Variants in TTN observed in about 807,000 individuals in gnomAD.
TTN encodes titin.
In TTN, 1,525 loss-of-function variants were observed where a neutral mutation model predicts 3,223.0. The ratio of observed to expected loss-of-function variants is 0.47; its 90% CI spans 0.45 to 0.49. TTN has a LOEUF of 0.49. Among genes scored for constraint, TTN ranks in the 20% least tolerant of loss-of-function variants. TTN has a pLI of 0.00. For synonymous variants in TTN, 14,094 were observed against 15,161.0 expected, an observed-to-expected ratio of 0.93 and a Z score of 5.17; for missense variants, 40,786 against 43,424.0, an observed-to-expected ratio of 0.94 and a Z score of 5.40.
chr2:178,626,272 G>T (rs1387091486), intron 240 of TTN, among the ~76,000 whole-genome samples: 1 of 151,900 alleles, frequency 6.6e-6, no homozygotes. Flanking sequence ...TATTAATTTT[G>T]TTCAAAACTG....
In TTN at chr2:178,750,472, C is replaced by T. The variant is rs548317101; in HGVS notation, c.11311+2652G>A. 1.5e-5 allele frequency: 24 copies of T among 1,612,896 alleles called. No homozygotes were observed. Among genetic ancestry groups the T allele is most frequent in the South Asian group, 5.5e-5 (5 of 91,044 alleles). ...GGATTGGCATGTCATTGTTATACCA[C>T]GTCACTATAGGTTGAGGATATCCTT... On this transcript the variant is annotated intron_variant, in intron 47 of 362. Transcript: ENST00000589042.
At position 178,776,343 on chromosome 2, in the gene TTN, G is replaced by T; in HGVS notation, c.5521C>A (p.Pro1841Thr). The T allele has an allele frequency of 6.2e-7, 1 of 1,613,758 alleles. No homozygotes were observed. The highest frequency in any genetic ancestry group is 8.5e-7 in the Non-Finnish European group (1 of 1,179,980). ...GGCTCTGGGTACAAGACAATGTCTG[G>T]CTTTTGCTTTTCTTTCTGATCTGTT... Reference protein sequence around the residue: ...VTTDQKEKQKPDIVLYPEPVR... With the variant: ...VTTDQKEKQKTDIVLYPEPVR... Residue 1841 changes from proline (P) to threonine (T), a missense_variant, in exon 28 of 363, where the codon CCA becomes ACA. Physicochemically the swap from Pro to Thr is conservative, Grantham distance 38. Coordinates refer to ENST00000589042, the MANE Select transcript of TTN (RefSeq NM_001267550.2).
In TTN at chr2:178,616,581, G is replaced by C; in HGVS notation, c.48210C>G (p.Asp16070Glu). 6.2e-7 allele frequency: 1 copy of C among 1,612,248 alleles called. No individual in the cohort carries two copies. Among genetic ancestry groups the C allele is most frequent in the Non-Finnish European group, 8.5e-7 (1 of 1,178,970 alleles). Residue 16070 changes from aspartate to glutamate, a missense_variant, in exon 257 of 363, where the codon GAC (aspartate) becomes GAG (glutamate). Asp to Glu is a conservative substitution (Grantham distance 45, BLOSUM62 2). Coordinates refer to ENST00000589042, the MANE Select transcript of TTN (RefSeq NM_001267550.2). ...GTGGTTCCCAAGTCAAATGTACTGA[G>C]TCCTTGGTTATATCACCAAATTTCA... ...KELKFGDITK[D>E]SVHLTWEPPD... is the part of the protein sequence containing the mutation.
chr2:178,598,809 A>T lies in TTN; in HGVS notation c.56901T>A (p.Asn18967Lys), dbSNP rs1224594831. ...GACTTGCTGGACCCACGCCAGCAGCATTGATTGCATATACCCGGAATTGAT... is the reference window on the plus strand; with the variant it reads ...GACTTGCTGGACCCACGCCAGCAGCTTTGATTGCATATACCCGGAATTGAT... ...SDYQFRVYAI[N>K]AAGVGPASLP... Residue 18967 changes from asparagine to lysine, a missense_variant, in exon 291 of 363, where the codon AAT becomes AAA. By Grantham distance (94) the Asn-to-Lys change is moderately conservative. Coordinates refer to ENST00000589042, the MANE Select transcript of TTN (RefSeq NM_001267550.2). 1 of 1,613,396 alleles carries T rather than the reference A, an allele frequency of 6.2e-7. No homozygotes were observed. The highest frequency in any genetic ancestry group is 8.5e-7 in the Non-Finnish European group (1 of 1,179,538).
At position 178,568,950 on chromosome 2, in the gene TTN, T is replaced by C. The variant is rs1306199809; in HGVS notation, c.77182A>G (p.Ser25728Gly). The C allele has an allele frequency of 6.2e-7, 1 of 1,613,508 alleles. No individual in the cohort carries two copies. Among genetic ancestry groups the C allele is most frequent in the Non-Finnish European group, 8.5e-7 (1 of 1,179,602 alleles). Reference sequence around the variant, plus strand: ...TCCACAATATACTGAATGATTTTACTGCCACCATCATGTTCAGGTTTTGTC... The same window carrying C: ...TCCACAATATACTGAATGATTTTACCGCCACCATCATGTTCAGGTTTTGTC... ...SWTKPEHDGG[S>G]KIIQYIVEMQ... The change falls in exon 326 of 363, where the codon AGT becomes GGT. Residue 25728 changes from serine to glycine, a missense_variant. Physicochemically the swap from Ser to Gly is moderately conservative, Grantham distance 56. Coordinates refer to ENST00000589042, the MANE Select transcript of TTN (RefSeq NM_001267550.2).
Position 178,746,345 on chromosome 2 carries a change from A to C in TTN, c.11312-4424T>G, listed in dbSNP as rs374462978. ...ATCCATATTTGGATCTACAAAATTAAATGGAAGAACATCTAGACTCACAAT... is the reference window on the plus strand; with the variant it reads ...ATCCATATTTGGATCTACAAAATTACATGGAAGAACATCTAGACTCACAAT... On this transcript the variant is annotated intron_variant, in intron 47 of 362. Transcript: ENST00000589042. 16 of 1,612,344 alleles carry C rather than the reference A, an allele frequency of 9.9e-6. No individual in the cohort carries two copies. The African/African-American group carries it at 2.1e-4, about 22-fold the overall frequency.
chr2:178,544,156 G>A, intron 345 of TTN, 41 bp from the exon 346 acceptor site: 2 of 1,605,138 alleles, frequency 1.2e-6, no homozygotes, highest in African/African-American at 1.3e-5. Flanking sequence ...TCATGGACAG[G>A]TGTGAGAAGA....
rs770403940 is a variant in TTN at position 178,594,500 on chromosome 2, G to A, written c.57994C>T (p.His19332Tyr). ...AGCAAGTTGTCATTTGTAACTTTGT[G>A]GAACTTCTCAGTCCCAATGAGCCGA... ...ESRLIGTEKF[H>Y]KVTNDNLLSR... Residue 19332 changes from histidine (H) to tyrosine (Y), a missense_variant, in exon 296 of 363, where the codon CAC (histidine) becomes TAC (tyrosine). His to Tyr is a moderately conservative substitution (Grantham distance 83). Transcript: ENST00000589042. The A allele has an allele frequency of 6.2e-7, 1 of 1,613,340 alleles. No individual in the cohort carries two copies. Among genetic ancestry groups the A allele is most frequent in the Non-Finnish European group, 8.5e-7 (1 of 1,179,540 alleles).
At chr2:178,707,000 T>C in intron 100 of TTN, 46 bp from the exon 101 acceptor site, 1 of 1,495,478 alleles carries the variant, frequency 6.7e-7, no homozygotes, top group Non-Finnish European at 9.1e-7. Context: ...ACCTCAGAAT[T>C]ACAATACATA....
chr2:178,698,223 G>A (rs1193006641), intron 112 of TTN, among the ~76,000 whole-genome samples: 3 of 152,178 alleles, frequency 2.0e-5, no homozygotes, highest in Admixed American at 6.5e-5. Context: ...TGGTTACAGA[G>A]GCTGGGGATT....
Position 178,717,755 on chromosome 2 carries a change from T to C in TTN, c.25119A>G (p.Leu8373=). 1 of 1,612,610 alleles carries C rather than the reference T, an allele frequency of 6.2e-7. No individual in the cohort carries two copies. Among genetic ancestry groups the C allele is most frequent in the Non-Finnish European group, 8.5e-7 (1 of 1,179,260 alleles). ...ARKLKDVHET[L]GFPVAFECRI... Reference sequence around the variant, plus strand: ...GGCATTCAAATGCAACTGGGAAGCCTAGAGTCTCATGAACGTCTTTCAGTT... The same window carrying C: ...GGCATTCAAATGCAACTGGGAAGCCCAGAGTCTCATGAACGTCTTTCAGTT... Residue 8373 remains leucine (L), a synonymous_variant, in exon 87 of 363, where the codon CTA becomes CTG. Coordinates refer to ENST00000589042, the MANE Select transcript of TTN (RefSeq NM_001267550.2).
chr2:178,540,150 C>A lies in TTN; in HGVS notation c.98016G>T (p.Arg32672Ser). 6.2e-7 allele frequency: 1 copy of A among 1,613,750 alleles called. No homozygotes were observed. Among genetic ancestry groups the A allele is most frequent in the Non-Finnish European group, 8.5e-7 (1 of 1,179,710 alleles). ...CAGCATTACAAGCTAGGACGCGGAA[C>A]CTGTATTCTGCACCCTGAGGTAGGT... ...LTHLPQGAEYRFRVLACNAGG... is the reference protein window; with the variant it reads ...LTHLPQGAEYSFRVLACNAGG... The change falls in exon 351 of 363, where the codon AGG becomes AGT. Residue 32672 changes from arginine (R) to serine (S), a missense_variant. By Grantham distance (110) the Arg-to-Ser change is moderately radical (BLOSUM62 -1). Transcript: ENST00000589042.
In TTN at chr2:178,528,910, G is replaced by C. The variant is rs2154131436; in HGVS notation, c.106841C>G (p.Thr35614Ser). 1 of 1,614,032 alleles carries C rather than the reference G, an allele frequency of 6.2e-7. No homozygotes were observed. The highest frequency in any genetic ancestry group is 8.5e-7 in the Non-Finnish European group (1 of 1,179,884). Residue 35614 changes from threonine to serine, a missense_variant, in exon 360 of 363, where the codon ACT becomes AGT. Transcript: ENST00000589042. Reference sequence around the variant, plus strand: ...TTGACCTTCGTTTATGCTCATCTGAGTAGAAAATGCTTTAATCTCAGCATG... The same window carrying C: ...TTGACCTTCGTTTATGCTCATCTGACTAGAAAATGCTTTAATCTCAGCATG... Reference protein sequence around the residue: ...RTHAEIKAFSTQMSINEGQRL... With the variant: ...RTHAEIKAFSSQMSINEGQRL...
rs1408260975 is a variant in TTN at position 178,531,507 on chromosome 2, A to G, written c.105108T>C (p.Tyr35036=). 2 of 1,613,928 alleles carry G rather than the reference A, an allele frequency of 1.2e-6. No individual in the cohort carries two copies. The highest frequency in any genetic ancestry group is 1.1e-5 in the South Asian group (1 of 91,086). Residue 35036 remains tyrosine, a synonymous_variant, in exon 358 of 363, where the codon TAT becomes TAC. Transcript: ENST00000589042. ...CTCTGCGTTGGGAAGCATAGGTGGT[A>G]TAATCCCCTCCTGTCACGTCCAACG... is the stretch of plus-strand genomic sequence containing the variant. ...YATLDVTGGD[Y]TTYASQRRDE... is the part of the protein sequence containing the mutation.
intron 113 of TTN, 64 bp downstream of exon 113, chr2:178,697,057 G>C (rs1560462818): frequency 7.4e-7 from 1 of 1,360,420 alleles, no homozygotes; most frequent in Non-Finnish European, 1.0e-6. Context: ...TTTAAAATAA[G>C]AATAGTTAGC....
chr2:178,559,023 GTATATA>G (rs112911746), intron 326 of TTN: 4 of 272,124 alleles, frequency 1.5e-5, no homozygotes, highest in Non-Finnish European at 2.7e-5. Context: ...TATAATCTGT[GTATATA>G]TATATATAAA....
rs1060500445 is a variant in TTN, at chr2:178,559,715, G to C, written c.86417C>G (p.Ser28806Cys). 6.2e-7 allele frequency: 1 copy of C among 1,602,668 alleles called. No individual in the cohort carries two copies. Residue 28806 changes from serine (S) to cysteine (C), a missense_variant, in exon 326 of 363, where the codon TCT becomes TGT. Physicochemically the swap from Ser to Cys is moderately radical, Grantham distance 112 (BLOSUM62 -1). Coordinates refer to ENST00000589042, the MANE Select transcript of TTN (RefSeq NM_001267550.2). ...ATTTTCAATGGTCAGTGATGTACGA[G>C]AGTCTGTGGTATCAACATAAGCTCT... ...RTRAYVDTTDSRTSLTIENAN... is the reference protein window; with the variant it reads ...RTRAYVDTTDCRTSLTIENAN...
At position 178,633,178 on chromosome 2, in the gene TTN, T is replaced by C. The variant is rs2060016734; in HGVS notation, c.43086+9A>G. On this transcript the variant is annotated intron_variant, in intron 233 of 362. Transcript: ENST00000589042. ...CCCTCTCCTATATAATTAGCTAATC[T>C]TGACTTACAGGGGAAGCTGTCAAAG... is the stretch of plus-strand genomic sequence containing the variant. The C allele has an allele frequency of 6.2e-7, 1 of 1,609,508 alleles. No individual in the cohort carries two copies. The highest frequency in any genetic ancestry group is 1.3e-5 in the African/African-American group (1 of 74,732).
chr2:178,634,442 A>C lies in TTN; in HGVS notation c.42339T>G (p.Asp14113Glu). 6.2e-7 allele frequency: 1 copy of C among 1,613,198 alleles called. No homozygotes were observed. Among genetic ancestry groups the C allele is most frequent in the Non-Finnish European group, 8.5e-7 (1 of 1,179,482 alleles). Residue 14113 changes from aspartate to glutamate, a missense_variant, in exon 230 of 363, where the codon GAT (aspartate) becomes GAG (glutamate). By Grantham distance (45) the Asp-to-Glu change is conservative. Coordinates refer to ENST00000589042, the MANE Select transcript of TTN (RefSeq NM_001267550.2). This position sits in a 1 kb window ranked among gnomAD's most constrained non-coding sequence, Gnocchi z 4.6. ...AGACCCCTTCATCATCAAATTGAGA[A>C]TCATTAATAACAAGAATATGTTTCT... ...DGKKHILVIN[D>E]SQFDDEGVYT...
Sources: allele counts gnomAD v4.1 joint callset (sites outside exome capture counted in the v4.1 genomes callset), GRCh38; gene constraint gnomAD v4.1.1; non-coding constraint Gnocchi (gnomAD v3.1); transcripts MANE v1.5; gene names NCBI Gene and HGNC (gene_info 2026-07-23, HGNC 2026-07-21).